The following FTO variants were observed in gnomAD, a reference collection of about 807,000 sequenced individuals.
The protein encoded by FTO is alpha-ketoglutarate-dependent dioxygenase FTO.
In FTO, 47 loss-of-function variants were observed where a neutral mutation model predicts 63.9. The ratio of observed to expected loss-of-function variants is 0.74; its 90% CI spans 0.58 to 0.94. The LOEUF is 0.94. FTO is among the 40% of genes least tolerant of loss of function. FTO has a pLI of 0.00. For synonymous variants in FTO, 207 were observed against 224.4 expected (o/e 0.92, Z 0.69); for missense variants, 562 against 618.1 (o/e 0.91, Z 0.96).
At chr16:54,044,781 A>G (rs1240238590) in intron 8 of FTO, among the ~76,000 whole-genome samples, 1 of 74,892 alleles carries the variant, frequency 1.3e-5, no homozygotes, top group Non-Finnish European at 2.1e-5. Context: ...GTGCAATCAA[A>G]CTAGAACTCA....
At chr16:53,761,040 C>T (rs1374541325) in intron 1 of FTO, among the ~76,000 whole-genome samples, 5 of 150,696 alleles carry the variant, frequency 3.3e-5, no homozygotes, top group African/African-American at 1.2e-4. Flanking sequence ...TTTCCTTCTC[C>T]CTTCCTCCCT....
chr16:53,893,512 T>A (rs2081204431), intron 7 of FTO, among the ~76,000 whole-genome samples: 1 of 152,190 alleles, frequency 6.6e-6, no homozygotes. Context: ...AGGCCATTTG[T>A]CTCTCAGGGT....
At chr16:53,736,417 G>C (rs996508678) in intron 1 of FTO, among the ~76,000 whole-genome samples, 5 of 149,424 alleles carry the variant, frequency 3.3e-5, no homozygotes, top group African/African-American at 1.2e-4. Flanking sequence ...AGTCAATATC[G>C]AGTTCTCTCT....
At chr16:53,985,758 A>G (rs2083652663) in intron 8 of FTO, among the ~76,000 whole-genome samples, 1 of 152,146 alleles carries the variant, frequency 6.6e-6, no homozygotes, top group African/African-American at 2.4e-5. Flanking sequence ...ACCTCTAGAG[A>G]GAGGACATTT....
intron 8 of FTO, among the ~76,000 whole-genome samples, chr16:54,108,255 T>C (rs184552317): frequency 2.0e-5 from 3 of 152,326 alleles, no homozygotes; most frequent in African/African-American, 7.2e-5. Flanking sequence ...CCAACTTTAT[T>C]TCCTGTAAAT....
intron 8 of FTO, chr16:54,040,772 T>TAGTC (rs1396360385): frequency 1.3e-5 from 2 of 152,160 alleles, no homozygotes; most frequent in Non-Finnish European, 2.9e-5. Context: ...GAGATGAGAA[T>TAGTC]AGTCAGAGAG....
At chr16:53,711,111 A>G (rs753780167) in intron 1 of FTO, among the ~76,000 whole-genome samples, 5 of 152,010 alleles carry the variant, frequency 3.3e-5, no homozygotes, top group Non-Finnish European at 4.4e-5. Flanking sequence ...CACCATCATC[A>G]CCACCACCTT....
intron 4 of FTO, among the ~76,000 whole-genome samples, chr16:53,844,957 G>A (rs1192977725): frequency 6.6e-6 from 1 of 151,432 alleles, no homozygotes; most frequent in East Asian, 1.9e-4. Context: ...TTCTTCTCAG[G>A]AACAGCTGAC....
intron 7 of FTO, among the ~76,000 whole-genome samples, chr16:53,893,266 T>C (rs1372700825): frequency 1.3e-5 from 2 of 152,180 alleles, no homozygotes; most frequent in Non-Finnish European, 2.9e-5. Flanking sequence ...AACACTATAA[T>C]ACTATTCAAA....
intron 1 of FTO, among the ~76,000 whole-genome samples, chr16:53,708,226 A>T (rs1320031422): frequency 6.6e-6 from 1 of 152,204 alleles, no homozygotes; most frequent in South Asian, 2.1e-4. Context: ...ATTAGCCAGG[A>T]GTGGTGGCAC....
chr16:53,971,401 A>G (rs940621567), intron 8 of FTO, among the ~76,000 whole-genome samples: 9 of 152,216 alleles, frequency 5.9e-5, no homozygotes, highest in Non-Finnish European at 1.3e-4. Context: ...AGCAAAGTAT[A>G]CATTTATCCT....
chr16:53,768,876 C>CA lies in FTO; in HGVS notation c.46-41263dup, dbSNP rs1255149015. Among the ~76,000 whole-genome samples, 4 of 152,132 alleles carry CA rather than the reference C, an allele frequency of 2.6e-5. No individual in the cohort carries two copies. The East Asian group carries it at 7.7e-4, about 29-fold the overall frequency. On this transcript the variant is annotated intron_variant, in intron 1 of 8. Transcript: ENST00000471389. ...GTTTGGTCACATCACCCCTGGCTACCACCAGTACATGACTGTTTATTTTGG... is the reference window on the plus strand; with the variant it reads ...GTTTGGTCACATCACCCCTGGCTACCAACCAGTACATGACTGTTTATTTTGG...
intron 8 of FTO, among the ~76,000 whole-genome samples, chr16:53,999,017 C>G (rs1343095491): frequency 6.6e-6 from 1 of 152,090 alleles, no homozygotes; most frequent in Admixed American, 6.5e-5. Flanking sequence ...TAACAGAACC[C>G]TTAGATTTTT....
intron 8 of FTO, among the ~76,000 whole-genome samples, chr16:53,941,345 T>C (rs900120060): frequency 2.0e-5 from 3 of 152,214 alleles, no homozygotes; most frequent in African/African-American, 7.2e-5. Context: ...ACCCTTTAAC[T>C]CTTTTTTCTA....
chr16:53,915,394 T>A (rs1173550594), intron 7 of FTO, among the ~76,000 whole-genome samples: 3 of 152,214 alleles, frequency 2.0e-5, no homozygotes, highest in African/African-American at 7.2e-5. Flanking sequence ...TCCCAGCTTC[T>A]GTATGGTGTA....
At chr16:53,924,638 CAGCCT>C (rs1242138600) in intron 7 of FTO, among the ~76,000 whole-genome samples, 1 of 152,096 alleles carries the variant, frequency 6.6e-6, no homozygotes, top group African/African-American at 2.4e-5. Context: ...ATGAAGACAG[CAGCCT>C]TAAGTAGTCC....
chr16:54,014,654 C>T (rs370171522), intron 8 of FTO, among the ~76,000 whole-genome samples: 1 of 152,182 alleles, frequency 6.6e-6, no homozygotes, highest in East Asian at 1.9e-4. Context: ...ACTGGGAAAC[C>T]TCCTTTAGTT....
chr16:53,859,843 G>T (rs1266896542), intron 4 of FTO, among the ~76,000 whole-genome samples: 3 of 152,146 alleles, frequency 2.0e-5, no homozygotes, highest in Non-Finnish European at 4.4e-5. Context: ...TGGTGGGAGT[G>T]TAAATTGGTA....
At chr16:53,931,200 T>C (rs1010157226) in intron 7 of FTO, among the ~76,000 whole-genome samples, 3 of 152,130 alleles carry the variant, frequency 2.0e-5, no homozygotes, top group Admixed American at 6.6e-5. Flanking sequence ...GTTTTGATCA[T>C]GTTAGCTAGC....
Sources: gnomAD v4.1 joint callset for allele counts (sites outside exome capture counted in the v4.1 genomes callset) on GRCh38, gnomAD v4.1.1 for gene constraint, MANE v1.5 for transcripts, NCBI Gene and HGNC (gene_info 2026-07-23, HGNC 2026-07-21) for gene names.